The following METTL25 variants were observed in gnomAD, a reference collection of about 807,000 sequenced individuals.
METTL25 encodes probable methyltransferase-like protein 25.
Under a neutral mutation model 71.6 loss-of-function variants are expected in METTL25, and 64 were observed. The observed-to-expected ratio is 0.89, with a 90% CI of 0.73 to 1.10. The LOEUF is 1.10. METTL25 is among the 50% of genes least tolerant of loss of function. The pLI, the probability that METTL25 is intolerant of heterozygous loss-of-function variation, is 0.00. For synonymous variants in METTL25, 287 were observed against 250.3 expected, an observed-to-expected ratio of 1.15 and a Z score of -1.38; for missense variants, 807 against 707.0, an observed-to-expected ratio of 1.14 and a Z score of -1.60.
At chr12:82,386,711 A>G in intron 1 of METTL25, 92 bp from the exon 2 acceptor site, 1 of 997,100 alleles carries the variant, frequency 1.0e-6, no homozygotes, top group South Asian at 1.6e-5. Flanking sequence ...GGCATTTGTT[A>G]TACAAATTAA....
chr12:82,432,075 G>A (rs1889546629), intron 6 of METTL25, among the ~76,000 whole-genome samples: 1 of 151,506 alleles, frequency 6.6e-6, no homozygotes, highest in South Asian at 2.1e-4. Context: ...TTAAATTTAT[G>A]CAATAAAATA....
In METTL25 at chr12:82,448,852, G is replaced by A. The variant is rs114501494; in HGVS notation, c.1479-7875G>A. Among the ~76,000 whole-genome samples the A allele has an allele frequency of 3.6e-3, 551 of 152,048 alleles. 1 individual carries two copies. The highest frequency in any genetic ancestry group is 0.013 in the African/African-American group (528 of 41,476). On this transcript the variant is annotated intron_variant, in intron 8 of 11. Transcript: ENST00000248306. The stretch of plus-strand genomic sequence containing the variant: ...CTTTTAAGTCTTTCAATATGTATTA[G>A]CATACAAAAGGCACAAAATAATAAT...
At chr12:82,365,551 C>T (rs1256265701) in intron 1 of METTL25, among the ~76,000 whole-genome samples, 1 of 152,144 alleles carries the variant, frequency 6.6e-6, no homozygotes, top group Non-Finnish European at 1.5e-5. Flanking sequence ...TTCAAGGAAA[C>T]CAGACTGTGT....
chr12:82,387,978 G>A (rs1433991036), intron 2 of METTL25, among the ~76,000 whole-genome samples: 1 of 151,870 alleles, frequency 6.6e-6, no homozygotes, highest in Non-Finnish European at 1.5e-5. Context: ...ATTAGTCTAG[G>A]CTCATACCTG....
chr12:82,478,194 T>C (rs1204989668), intron 11 of METTL25, among the ~76,000 whole-genome samples: 4 of 151,794 alleles, frequency 2.6e-5, no homozygotes, highest in African/African-American at 4.8e-5. Flanking sequence ...ATAAAATCAG[T>C]ACCTATTTTA....
chr12:82,364,945 A>G (rs1002031850), intron 1 of METTL25, among the ~76,000 whole-genome samples: 1 of 152,204 alleles, frequency 6.6e-6, no homozygotes, highest in Non-Finnish European at 1.5e-5. Flanking sequence ...TGTCTTTTTC[A>G]CTATTTTCAG....
At chr12:82,391,834 C>T (rs1885618168) in intron 3 of METTL25, among the ~76,000 whole-genome samples, 2 of 149,586 alleles carry the variant, frequency 1.3e-5, no homozygotes, top group Admixed American at 6.7e-5. Flanking sequence ...TAATGGCTGT[C>T]TAATTTACAT....
rs940519039 is a variant in METTL25, at chr12:82,402,806, G to A, written c.1132-177G>A. On this transcript the variant is annotated intron_variant, in intron 4 of 11. Transcript: ENST00000248306. ...CCCAGCTACTTGGGAGGCTGAAGCA[G>A]GAGGATCATTTGAGGCCAGTAATTT... Among the ~76,000 whole-genome samples the A allele has an allele frequency of 5.3e-5, 8 of 152,290 alleles. No homozygotes were observed. In the East Asian group the frequency reaches 1.5e-3, roughly 29 times the overall value.
At chr12:82,460,069 C>A (rs1592759908) in intron 9 of METTL25, 1 of 152,276 alleles carries the variant, frequency 6.6e-6, no homozygotes, top group East Asian at 1.9e-4. Flanking sequence ...TCAGTCCCAC[C>A]ATCAAGTGGT....
chr12:82,473,500 G>A (rs1892686880), intron 9 of METTL25, among the ~76,000 whole-genome samples: 1 of 152,156 alleles, frequency 6.6e-6, no homozygotes, highest in South Asian at 2.1e-4. Context: ...CTATTTCTCA[G>A]GCCTGTGTCA....
At chr12:82,460,404 A>C (rs890509190) in intron 9 of METTL25, among the ~76,000 whole-genome samples, 8 of 152,096 alleles carry the variant, frequency 5.3e-5, no homozygotes, top group African/African-American at 1.7e-4. Context: ...CCAAGAGCAT[A>C]GTATGTGAAT....
chr12:82,433,152 T>C (rs1889650475), intron 6 of METTL25, among the ~76,000 whole-genome samples: 1 of 151,678 alleles, frequency 6.6e-6, no homozygotes, highest in Non-Finnish European at 1.5e-5. Flanking sequence ...AATTTATTAT[T>C]TCTATTTCTA....
chr12:82,468,199 T>C (rs546152921), intron 9 of METTL25, among the ~76,000 whole-genome samples: 2 of 152,196 alleles, frequency 1.3e-5, no homozygotes, highest in East Asian at 3.9e-4. Flanking sequence ...ACTAATAATC[T>C]CCCTATAATC....
chr12:82,389,679 G>T (rs182866623), intron 2 of METTL25, 137 bp from the exon 3 acceptor site: 1 of 525,230 alleles, frequency 1.9e-6, no homozygotes, highest in Admixed American at 3.4e-5. Flanking sequence ...GGCTAAGCTA[G>T]TAGAGATCTA....
chr12:82,358,989 G>A lies in METTL25; in HGVS notation c.259+165G>A, dbSNP rs142445836. ...GTCGGATTAGTTGAGGGGTGGGGTG[G>A]GGATGTTCTTTGGAATCAGGATCAC... On this transcript the variant is annotated intron_variant, in intron 1 of 11. Coordinates refer to ENST00000248306, the MANE Select transcript of METTL25 (RefSeq NM_032230.3). 98 of 705,448 alleles carry A rather than the reference G, an allele frequency of 1.4e-4. No individual in the cohort carries two copies. The African/African-American group carries it at 1.6e-3, about 12-fold the overall frequency. The allele number at this position is 705,448 out of a possible 1,614,324, so 43.7% of individuals were successfully genotyped here. A position where few individuals can be genotyped will look rare whatever the true frequency, so the allele number is the denominator to read the frequency against.
chr12:82,386,777 G>A, intron 1 of METTL25, 26 bp from the exon 2 acceptor site: 1 of 1,597,366 alleles, frequency 6.3e-7, no homozygotes, highest in East Asian at 2.2e-5. Context: ...TATTGCTGAA[G>A]ACTTTTTCTG....
chr12:82,398,656 T>C (rs1886296231), intron 3 of METTL25, 139 bp from the exon 4 acceptor site: 1 of 435,206 alleles, frequency 2.3e-6, no homozygotes, highest in Non-Finnish European at 3.7e-6. Context: ...TGATGAGTGG[T>C]TGGTTTTTCA....
intron 5 of METTL25, among the ~76,000 whole-genome samples, chr12:82,426,571 TGTG>T (rs1889035330): frequency 6.6e-6 from 1 of 152,036 alleles, no homozygotes; most frequent in African/African-American, 2.4e-5. Context: ...CAGCCTTTGT[TGTG>T]GTGGTAAATA....
chr12:82,402,684 C>T (rs1480336456), intron 4 of METTL25, among the ~76,000 whole-genome samples: 1 of 152,102 alleles, frequency 6.6e-6, no homozygotes, highest in Admixed American at 6.6e-5. Flanking sequence ...TTAATTTAAT[C>T]TTTAAATCAT....
Sources: gnomAD v4.1 joint callset for allele counts (sites outside exome capture counted in the v4.1 genomes callset) on GRCh38, gnomAD v4.1.1 for gene constraint, MANE v1.5 for transcripts, NCBI Gene and HGNC (gene_info 2026-07-23, HGNC 2026-07-21) for gene names.